Variants in MICU1 observed in about 807,000 individuals in gnomAD.
MICU1 encodes the protein calcium uptake protein 1, mitochondrial.
Under a neutral mutation model 56.8 loss-of-function variants are expected in MICU1, and 45 were observed. The ratio of observed to expected loss-of-function variants is 0.79; its 90% CI spans 0.62 to 1.02. MICU1 has a LOEUF of 1.02. Ranked by LOEUF, MICU1 falls within the 50% of genes least tolerant of loss-of-function variation. The probability of loss-of-function intolerance (pLI) is 0.00; values close to 1 mark genes in which losing one functional copy is unlikely to be tolerated. For missense variants in MICU1, 504 were observed against 587.1 expected (o/e 0.86, Z 1.46); for synonymous variants, 186 against 195.1 (o/e 0.95, Z 0.39).
chr10:72,576,227 A>AAG (rs1840741372), intron 1 of MICU1, among the ~76,000 whole-genome samples: 1 of 147,182 alleles, frequency 6.8e-6, no homozygotes, highest in Non-Finnish European at 1.5e-5. Flanking sequence ...AAAAACACCA[A>AAG]AAAAAAAAAA....
At chr10:72,517,856 T>C (rs564370023) in intron 5 of MICU1, among the ~76,000 whole-genome samples, 9 of 152,024 alleles carry the variant, frequency 5.9e-5, no homozygotes, top group African/African-American at 2.2e-4. Context: ...TTTAATCTTT[T>C]ACTAAATTTT....
chr10:72,625,872 C>G (rs1842216197), intron 1 of MICU1, 138 bp downstream of exon 1: 1 of 152,610 alleles, frequency 6.6e-6, no homozygotes, highest in South Asian at 2.1e-4. Context: ...CCGCCAGACC[C>G]GAGAAGTAGC....
intron 5 of MICU1, among the ~76,000 whole-genome samples, chr10:72,523,236 C>A (rs1867874890): frequency 6.6e-6 from 1 of 152,170 alleles, no homozygotes; most frequent in South Asian, 2.1e-4. Context: ...AACTGTCCTA[C>A]CATAATCAGA....
intron 10 of MICU1, among the ~76,000 whole-genome samples, chr10:72,381,946 G>A (rs888870192): frequency 1.1e-4 from 15 of 139,122 alleles, no homozygotes; most frequent in African/African-American, 4.0e-4. Flanking sequence ...GGAGGAGACT[G>A]TGTATATATA....
chr10:72,400,376 T>C (rs1194638752), intron 10 of MICU1, among the ~76,000 whole-genome samples: 2 of 152,242 alleles, frequency 1.3e-5, no homozygotes, highest in East Asian at 1.9e-4. Context: ...TAATGAACTT[T>C]CGTTGTCTTT....
intron 8 of MICU1, among the ~76,000 whole-genome samples, chr10:72,433,517 TC>T (rs1217653486): frequency 1.3e-5 from 2 of 151,376 alleles, no homozygotes; most frequent in African/African-American, 4.9e-5. Flanking sequence ...AAGCTCCGCC[TC>T]CCAGGTTCAC....
chr10:72,621,049 C>A (rs1241722493), intron 1 of MICU1, among the ~76,000 whole-genome samples: 1 of 151,948 alleles, frequency 6.6e-6, no homozygotes, highest in African/African-American at 2.4e-5. Context: ...ATAGTGAGAC[C>A]CCGTTTCTAC....
At chr10:72,437,416 A>G (rs899453718) in intron 8 of MICU1, among the ~76,000 whole-genome samples, 40 of 152,346 alleles carry the variant, frequency 2.6e-4, no homozygotes, top group African/African-American at 9.4e-4. Context: ...AGAAAGGAAC[A>G]ACCGGTACCA....
At chr10:72,494,049 C>G (rs546617332) in intron 6 of MICU1, among the ~76,000 whole-genome samples, 4 of 152,116 alleles carry the variant, frequency 2.6e-5, no homozygotes, top group Admixed American at 2.6e-4. Flanking sequence ...AAGAGGTAAT[C>G]AACCCTAATC....
At chr10:72,565,068 C>A (rs1840394417) in intron 2 of MICU1, among the ~76,000 whole-genome samples, 2 of 151,418 alleles carry the variant, frequency 1.3e-5, no homozygotes, top group Non-Finnish European at 2.9e-5. Context: ...GTCACTTGAC[C>A]CCAGGAGTTC....
intron 5 of MICU1, chr10:72,532,862 G>T: frequency 1.7e-6 from 2 of 1,144,246 alleles, no homozygotes; most frequent in Middle Eastern, 5.0e-4. Flanking sequence ...GTATAAAAGA[G>T]CTCAACACTT....
intron 11 of MICU1, among the ~76,000 whole-genome samples, chr10:72,368,714 T>C (rs56948596): frequency 0.049 from 7,485 of 152,084 alleles, 410 homozygotes; most frequent in African/African-American, 0.14. Context: ...GAGGATGCTA[T>C]GGGGGGCACA....
rs150733309 is a variant in MICU1 at position 72,448,121 on chromosome 10, ATGTG to A, written c.934-24754_934-24751del. ...GGCACCATGGAAAAAGTTTATATAT[ATGTG>A]TGTGTGTGTGTGTGTGTGTGTGTGT... is the stretch of plus-strand genomic sequence containing the variant. On this transcript the variant is annotated intron_variant, in intron 8 of 11. Coordinates refer to ENST00000361114, the MANE Select transcript of MICU1 (RefSeq NM_001195518.2). Among the ~76,000 whole-genome samples, 794 of 121,796 alleles carry A rather than the reference ATGTG, an allele frequency of 6.5e-3. 6 individuals carry two copies. Among genetic ancestry groups the A allele is most frequent in the African/African-American group, 0.024 (726 of 30,786 alleles). 79.9% of individuals were successfully genotyped at this position (121,796 alleles called of 152,430 possible). A position where few individuals can be genotyped will look rare whatever the true frequency, so the allele number is the denominator to read the frequency against.
intron 10 of MICU1, among the ~76,000 whole-genome samples, chr10:72,386,847 T>G (rs1564839955): frequency 6.6e-6 from 1 of 152,178 alleles, no homozygotes; most frequent in Admixed American, 6.5e-5. Flanking sequence ...CCTGCACTCA[T>G]TTTTTGACAG....
At chr10:72,389,197 G>C (rs140732974) in intron 10 of MICU1, among the ~76,000 whole-genome samples, 1 of 152,306 alleles carries the variant, frequency 6.6e-6, no homozygotes, top group East Asian at 1.9e-4. Context: ...ATAAGAGTTT[G>C]TTGTGTGCTA....
intron 8 of MICU1, among the ~76,000 whole-genome samples, chr10:72,435,177 GC>G (rs1285990187): frequency 6.6e-6 from 1 of 151,854 alleles, no homozygotes; most frequent in Admixed American, 6.6e-5. Flanking sequence ...ACTGCTTGAG[GC>G]CAGGAGTTCG....
intron 8 of MICU1, among the ~76,000 whole-genome samples, chr10:72,463,643 G>A (rs1865703581): frequency 6.6e-6 from 1 of 152,182 alleles, no homozygotes; most frequent in Non-Finnish European, 1.5e-5. Context: ...ATGAGAGACT[G>A]CATATATAAT....
chr10:72,411,763 C>T (rs953026142), intron 9 of MICU1, among the ~76,000 whole-genome samples: 1 of 152,146 alleles, frequency 6.6e-6, no homozygotes, highest in East Asian at 1.9e-4. Flanking sequence ...TGATAAACAA[C>T]CTCTAAAGTT....
intron 11 of MICU1, among the ~76,000 whole-genome samples, chr10:72,371,019 A>AC (rs1332969732): frequency 2.6e-5 from 4 of 151,904 alleles, no homozygotes; most frequent in African/African-American, 9.7e-5. Context: ...TGACAGAGTC[A>AC]GACTCTGTCT....
Sources: allele counts gnomAD v4.1 joint callset (sites outside exome capture counted in the v4.1 genomes callset), GRCh38; gene constraint gnomAD v4.1.1; transcripts MANE v1.5; gene names NCBI Gene and HGNC (gene_info 2026-07-23, HGNC 2026-07-21).